Variants in CDH18 observed in about 807,000 individuals in gnomAD.
CDH18 encodes the protein cadherin-18.
CDH18 carries 31 observed loss-of-function variants against 67.9 expected under a neutral mutation model. The ratio of observed to expected loss-of-function variants is 0.46; its 90% CI spans 0.34 to 0.62. The LOEUF (loss-of-function observed/expected upper bound fraction) is 0.62, where lower values mean the gene tolerates loss of function less well. CDH18 is among the 20% of genes least tolerant of loss of function. The pLI, the probability that CDH18 is intolerant of heterozygous loss-of-function variation, is 0.01. For synonymous variants in CDH18, 362 were observed against 347.2 expected, an observed-to-expected ratio of 1.04 and a Z score of -0.48; for missense variants, 890 against 975.5, an observed-to-expected ratio of 0.91 and a Z score of 1.17.
At chr5:20,351,944 G>T (rs1269666858) in intron 1 of CDH18, among the ~76,000 whole-genome samples, 1 of 152,124 alleles carries the variant, frequency 6.6e-6, no homozygotes, top group Non-Finnish European at 1.5e-5. Flanking sequence ...GAGAGCAAAA[G>T]CTAAGAAAGC....
intron 2 of CDH18, among the ~76,000 whole-genome samples, chr5:19,925,562 C>A (rs1463942033): frequency 6.6e-6 from 1 of 152,002 alleles, no homozygotes; most frequent in African/African-American, 2.4e-5. Context: ...GATCTCGGCT[C>A]ACTGCAACCT....
intron 2 of CDH18, among the ~76,000 whole-genome samples, chr5:19,865,860 A>G (rs1441811399): frequency 6.6e-6 from 1 of 152,140 alleles, no homozygotes; most frequent in Non-Finnish European, 1.5e-5. Flanking sequence ...CTAACTAGGG[A>G]GTACATTATG....
chr5:19,788,086 A>G (rs939514242), intron 3 of CDH18, among the ~76,000 whole-genome samples: 1 of 152,192 alleles, frequency 6.6e-6, no homozygotes, highest in South Asian at 2.1e-4. Context: ...AACCTGTTGC[A>G]TGTGTTTGCC....
chr5:20,333,526 T>TACACAC (rs1452450309), intron 1 of CDH18, among the ~76,000 whole-genome samples: 156 of 111,772 alleles, frequency 1.4e-3, no homozygotes, highest in African/African-American at 4.3e-3. Flanking sequence ...AAACAATATA[T>TACACAC]ATACACACAC....
intron 2 of CDH18, among the ~76,000 whole-genome samples, chr5:19,859,909 T>A (rs542822263): frequency 6.6e-6 from 1 of 152,000 alleles, no homozygotes; most frequent in East Asian, 1.9e-4. Flanking sequence ...TTTACAGTGT[T>A]TGACTCTTTG....
chr5:19,713,159 A>G (rs1314287813), intron 5 of CDH18, among the ~76,000 whole-genome samples: 1 of 151,974 alleles, frequency 6.6e-6, no homozygotes, highest in Non-Finnish European at 1.5e-5. Context: ...GAGCGAGGTC[A>G]CAAAAAAAAG....
At chr5:20,018,399 C>A (rs1344103586) in intron 2 of CDH18, among the ~76,000 whole-genome samples, 1 of 152,102 alleles carries the variant, frequency 6.6e-6, no homozygotes, top group Admixed American at 6.5e-5. Flanking sequence ...ATGACTTTTG[C>A]AAACAAGATT....
chr5:20,561,821 A>T (rs190729725), intron 1 of CDH18, among the ~76,000 whole-genome samples: 1 of 152,142 alleles, frequency 6.6e-6, no homozygotes, highest in African/African-American at 2.4e-5. Flanking sequence ...ATGATTGAAC[A>T]TTAGATATGA....
chr5:20,225,455 T>A (rs1741547161), intron 2 of CDH18, among the ~76,000 whole-genome samples: 1 of 152,130 alleles, frequency 6.6e-6, no homozygotes, highest in Non-Finnish European at 1.5e-5. Flanking sequence ...TTAAATAATA[T>A]CTCAGCCATA....
chr5:19,748,782 G>C (rs563657608), intron 3 of CDH18, among the ~76,000 whole-genome samples: 5 of 152,046 alleles, frequency 3.3e-5, no homozygotes, highest in African/African-American at 7.2e-5. Context: ...ATGAGAAAAA[G>C]ATTTTTTTTC....
intron 3 of CDH18, among the ~76,000 whole-genome samples, chr5:19,775,030 G>C (rs769377759): frequency 6.6e-5 from 10 of 152,010 alleles, no homozygotes; most frequent in Admixed American, 3.3e-4. Context: ...TTTGTTATAA[G>C]AGCCCAAATT....
At chr5:20,053,700 A>G (rs1741647562) in intron 2 of CDH18, among the ~76,000 whole-genome samples, 1 of 152,140 alleles carries the variant, frequency 6.6e-6, no homozygotes, top group Non-Finnish European at 1.5e-5. Context: ...GGATGTCAAC[A>G]TCAACTCTCC....
At chr5:19,527,387 C>T (rs1030012105) in intron 9 of CDH18, among the ~76,000 whole-genome samples, 3 of 151,578 alleles carry the variant, frequency 2.0e-5, no homozygotes, top group Admixed American at 6.6e-5. Context: ...AAAACTCTCA[C>T]AATGTCTGGT....
At chr5:20,106,498 T>C (rs1228756303) in intron 2 of CDH18, among the ~76,000 whole-genome samples, 2 of 152,198 alleles carry the variant, frequency 1.3e-5, no homozygotes, top group African/African-American at 4.8e-5. Context: ...ACCTTAAAAT[T>C]TTCCTCATCT....
intron 5 of CDH18, among the ~76,000 whole-genome samples, chr5:19,673,369 T>G (rs1759019729): frequency 6.6e-6 from 1 of 152,090 alleles, no homozygotes; most frequent in South Asian, 2.1e-4. Context: ...TATATTTTAT[T>G]AATAAGTCTT....
At position 19,472,352 on chromosome 5, in the gene CDH18, A is replaced by T. The variant is rs915500165; in HGVS notation, c.*874T>A. 2.6e-5 allele frequency among the ~76,000 whole-genome samples: 4 copies of T among 152,188 alleles called. No homozygotes were observed. Among genetic ancestry groups the T allele is most frequent in the African/African-American group, 9.6e-5 (4 of 41,452 alleles). ...CCAAAATTGCTGATTTAAATATAATAAAACAAGTGGAAAAAAGGAAAAAAA... is the reference window on the plus strand; with the variant it reads ...CCAAAATTGCTGATTTAAATATAATTAAACAAGTGGAAAAAAGGAAAAAAA... On this transcript the variant is annotated 3_prime_UTR_variant, in exon 13 of 13. Coordinates refer to ENST00000382275, the MANE Select transcript of CDH18 (RefSeq NM_004934.5).
At chr5:20,373,714 T>C (rs1437564042) in intron 1 of CDH18, among the ~76,000 whole-genome samples, 1 of 152,038 alleles carries the variant, frequency 6.6e-6, no homozygotes, top group Non-Finnish European at 1.5e-5. Flanking sequence ...TGATTGTGCT[T>C]TGCATCTAGT....
chr5:19,618,100 AT>A (rs1750121438), intron 5 of CDH18, among the ~76,000 whole-genome samples: 1 of 152,198 alleles, frequency 6.6e-6, no homozygotes, highest in Admixed American at 6.5e-5. Flanking sequence ...AAGCCTGCAC[AT>A]TTAAATTCTT....
chr5:20,082,440 T>C (rs919983771), intron 2 of CDH18, among the ~76,000 whole-genome samples: 2 of 152,222 alleles, frequency 1.3e-5, no homozygotes, highest in Admixed American at 6.5e-5. Context: ...TAGTTTCTAA[T>C]GTACTATTTT....
Sources: allele counts gnomAD v4.1 joint callset (sites outside exome capture counted in the v4.1 genomes callset), GRCh38; gene constraint gnomAD v4.1.1; transcripts MANE v1.5; gene names NCBI Gene and HGNC (gene_info 2026-07-23, HGNC 2026-07-21).